The following C13orf42 variants were observed in gnomAD, a reference collection of about 807,000 sequenced individuals.
C13orf42 encodes the protein uncharacterized protein C13orf42.
chr13:51,123,255 A>G (rs1377280309), intron 1 of C13orf42, among the ~76,000 whole-genome samples: 1 of 152,210 alleles, frequency 6.6e-6, no homozygotes, highest in African/African-American at 2.4e-5. Flanking sequence ...GGCTTATTAC[A>G]CAGATTTCTT....
chr13:51,146,394 C>A (rs1953735821), intron 1 of C13orf42, among the ~76,000 whole-genome samples: 1 of 152,212 alleles, frequency 6.6e-6, no homozygotes, highest in Admixed American at 6.5e-5. Flanking sequence ...CAAATAAAAT[C>A]TCTTCTTGCT....
chr13:51,146,808 A>G (rs1953739593), intron 1 of C13orf42, among the ~76,000 whole-genome samples: 1 of 152,210 alleles, frequency 6.6e-6, no homozygotes, highest in African/African-American at 2.4e-5. Context: ...AGCAGTTCCC[A>G]GCTTGACTTT....
intron 1 of C13orf42, among the ~76,000 whole-genome samples, chr13:51,121,616 A>G (rs1016016903): frequency 5.3e-5 from 8 of 149,994 alleles, no homozygotes; most frequent in African/African-American, 2.0e-4. Flanking sequence ...GCTCACTGCA[A>G]CCTCCACCTC....
In C13orf42 at chr13:51,098,747, A is replaced by G. The variant is rs79270478; in HGVS notation, c.415-10672T>C. Among the ~76,000 whole-genome samples, 10 of 152,324 alleles carry G rather than the reference A, an allele frequency of 6.6e-5. No individual in the cohort carries two copies. The East Asian group carries it at 1.9e-3, about 29-fold the overall frequency. ...TCAACACACCAGTGTGGTTCAAACA[A>G]TGACACTGAGAGTTGCTGCCTCAAG... On this transcript the variant is annotated intron_variant, in intron 1 of 3. Coordinates refer to ENST00000563710, the MANE Select transcript of C13orf42 (RefSeq NM_001351589.3).
intron 1 of C13orf42, among the ~76,000 whole-genome samples, chr13:51,102,526 C>T (rs3929767): frequency 0.27 from 40,681 of 152,058 alleles, 6,434 homozygotes; most frequent in Non-Finnish European, 0.37. Flanking sequence ...AGGTATTCTT[C>T]GGAATTCAAT....
intron 1 of C13orf42, among the ~76,000 whole-genome samples, chr13:51,159,905 TCA>T (rs2138046710): frequency 6.6e-6 from 1 of 152,288 alleles, no homozygotes; most frequent in African/African-American, 2.4e-5. Flanking sequence ...AGGGAAACTC[TCA>T]CAATCATGGC....
At chr13:51,146,076 T>C (rs912577320) in intron 1 of C13orf42, among the ~76,000 whole-genome samples, 6 of 152,238 alleles carry the variant, frequency 3.9e-5, no homozygotes, top group African/African-American at 1.4e-4. Flanking sequence ...GATAATACTG[T>C]GTTGTACATT....
At chr13:51,156,749 A>G (rs1053747645) in intron 1 of C13orf42, among the ~76,000 whole-genome samples, 1 of 152,184 alleles carries the variant, frequency 6.6e-6, no homozygotes, top group Non-Finnish European at 1.5e-5. Context: ...TGTTAAGGAG[A>G]GATAAGGAAT....
chr13:51,171,652 T>C (rs1265789540), intron 1 of C13orf42, among the ~76,000 whole-genome samples: 3 of 152,106 alleles, frequency 2.0e-5, no homozygotes, highest in Admixed American at 6.5e-5. Context: ...GGGCTTACAG[T>C]TTCGTTCGGT....
chr13:51,171,074 C>T (rs1953946328), intron 1 of C13orf42, among the ~76,000 whole-genome samples: 1 of 152,084 alleles, frequency 6.6e-6, no homozygotes, highest in Non-Finnish European at 1.5e-5. Context: ...CAAGAACCCC[C>T]CAACCCTTCT....
At chr13:51,153,431 T>TA (rs960216361) in intron 1 of C13orf42, among the ~76,000 whole-genome samples, 83 of 149,094 alleles carry the variant, frequency 5.6e-4, no homozygotes, top group African/African-American at 2.0e-3. Context: ...CAATACCAAA[T>TA]AAAAAAACAT....
At chr13:51,089,677 G>T (rs1046686286) in intron 1 of C13orf42, among the ~76,000 whole-genome samples, 6 of 151,790 alleles carry the variant, frequency 4.0e-5, no homozygotes, top group Non-Finnish European at 8.8e-5. Context: ...TCTTGGGTAG[G>T]ATCCTTATAG....
chr13:51,171,237 A>G (rs575362106), intron 1 of C13orf42, among the ~76,000 whole-genome samples: 1 of 152,258 alleles, frequency 6.6e-6, no homozygotes, highest in African/African-American at 2.4e-5. Flanking sequence ...TTTCTTCTGC[A>G]ATGCCGTTTG....
intron 1 of C13orf42, among the ~76,000 whole-genome samples, chr13:51,100,408 C>G (rs1464904571): frequency 6.6e-6 from 1 of 151,966 alleles, no homozygotes; most frequent in Admixed American, 6.6e-5. Flanking sequence ...CTAATATCCT[C>G]AAAAATCCCT....
upstream of C13orf42, chr13:51,113,284 G>A (rs1166097780): frequency 6.6e-6 from 1 of 152,162 alleles, no homozygotes; most frequent in Non-Finnish European, 1.5e-5. Context: ...TCGTGAACAC[G>A]AAATGGACAG....
At chr13:51,166,477 A>T (rs1953902732) in intron 1 of C13orf42, among the ~76,000 whole-genome samples, 1 of 142,986 alleles carries the variant, frequency 7.0e-6, no homozygotes, top group Non-Finnish European at 1.5e-5. Context: ...TAGCATCGGG[A>T]GACATACCTA....
intron 1 of C13orf42, among the ~76,000 whole-genome samples, chr13:51,100,175 A>C (rs1341258877): frequency 3.9e-5 from 6 of 152,198 alleles, no homozygotes; most frequent in Admixed American, 1.3e-4. Flanking sequence ...TTTTTTTAAA[A>C]AAAAAGAAAA....
intron 1 of C13orf42, among the ~76,000 whole-genome samples, chr13:51,148,703 T>C (rs1230380431): frequency 6.6e-6 from 1 of 152,180 alleles, no homozygotes; most frequent in South Asian, 2.1e-4. Flanking sequence ...GGCAGCGACG[T>C]GCCTTAGGAA....
At chr13:51,162,099 G>T in intron 1 of C13orf42, 1 of 330,482 alleles carries the variant, frequency 3.0e-6, no homozygotes, top group Non-Finnish European at 6.0e-6. Context: ...GGAAGTTCGT[G>T]TGCATAAGCT....
Sources: allele counts gnomAD v4.1 joint callset (sites outside exome capture counted in the v4.1 genomes callset), GRCh38; gene constraint gnomAD v4.1.1; transcripts MANE v1.5; gene names NCBI Gene and HGNC (gene_info 2026-07-23, HGNC 2026-07-21).